Variants in DOCK10 observed in about 807,000 individuals in gnomAD.
DOCK10 encodes dedicator of cytokinesis protein 10.
A neutral mutation model predicts 280.1 loss-of-function variants in DOCK10; 145 were observed. The ratio of observed to expected loss-of-function variants is 0.52; its 90% CI spans 0.45 to 0.59. The LOEUF (loss-of-function observed/expected upper bound fraction) is 0.59, where lower values mean the gene tolerates loss of function less well. Among genes scored for constraint, DOCK10 ranks in the 20% least tolerant of loss-of-function variants. The pLI is 0.00. For synonymous variants in DOCK10, 915 were observed against 942.2 expected (o/e 0.97, Z 0.53); for missense variants, 2,368 against 2,651.7 (o/e 0.89, Z 2.35).
intron 52 of DOCK10, among the ~76,000 whole-genome samples, chr2:224,774,431 G>A (rs1281504839): frequency 6.6e-6 from 1 of 152,256 alleles, no homozygotes; most frequent in Non-Finnish European, 1.5e-5. Flanking sequence ...TTGAGGAAAT[G>A]AAAGGATGAC....
chr2:225,004,255 T>G (rs1017287893), intron 1 of DOCK10, among the ~76,000 whole-genome samples: 3 of 152,184 alleles, frequency 2.0e-5, no homozygotes, highest in Non-Finnish European at 4.4e-5. Flanking sequence ...TCTTATGAGA[T>G]AGCAGAGGAA....
intron 19 of DOCK10, among the ~76,000 whole-genome samples, chr2:224,848,666 A>AGCTT (rs1696524708): frequency 1.3e-5 from 2 of 152,230 alleles, no homozygotes; most frequent in East Asian, 1.9e-4. Context: ...CATGGAATTT[A>AGCTT]GCTTGAGGCT....
chr2:225,012,754 TTAAAC>T (rs1380600138), intron 1 of DOCK10, among the ~76,000 whole-genome samples: 3 of 152,240 alleles, frequency 2.0e-5, no homozygotes, highest in African/African-American at 7.2e-5. Flanking sequence ...TACTTGCTGT[TTAAAC>T]AAACTAATCT....
chr2:224,792,882 A>G (rs1251038253), intron 47 of DOCK10, 92 bp downstream of exon 47: 28 of 984,258 alleles, frequency 2.8e-5, no homozygotes, highest in East Asian at 5.1e-5. Flanking sequence ...TTTGCTTCTA[A>G]GAATATATTT....
intron 1 of DOCK10, among the ~76,000 whole-genome samples, chr2:225,027,231 C>T (rs149881978): frequency 8.9e-4 from 136 of 152,276 alleles, no homozygotes; most frequent in African/African-American, 3.2e-3. Flanking sequence ...AGACCAGGCC[C>T]CACTAGTCAC....
chr2:224,820,783 G>C (rs1393364145), intron 28 of DOCK10, among the ~76,000 whole-genome samples: 2 of 152,198 alleles, frequency 1.3e-5, no homozygotes, highest in African/African-American at 4.8e-5. Flanking sequence ...CTGATATTTA[G>C]AGAGAAATAC....
At chr2:224,892,162 C>T (rs1034380149) in intron 4 of DOCK10, among the ~76,000 whole-genome samples, 6 of 151,696 alleles carry the variant, frequency 4.0e-5, no homozygotes, top group Non-Finnish European at 4.4e-5. Flanking sequence ...TTTGGGAGGC[C>T]GAGGCTGGTG....
At chr2:225,000,924 C>T (rs940553269) in intron 1 of DOCK10, among the ~76,000 whole-genome samples, 11 of 152,096 alleles carry the variant, frequency 7.2e-5, no homozygotes, top group Admixed American at 3.3e-4. Context: ...TGCAGTGAGC[C>T]GAGATCGTGC....
chr2:224,982,266 C>T (rs1018511458), intron 1 of DOCK10: 14 of 1,231,862 alleles, frequency 1.1e-5, no homozygotes, highest in Admixed American at 8.4e-5. Flanking sequence ...GGCAAAATTT[C>T]GTGGGATGGT....
intron 3 of DOCK10, among the ~76,000 whole-genome samples, chr2:224,904,916 A>G (rs1178916037): frequency 6.6e-6 from 1 of 152,304 alleles, no homozygotes; most frequent in South Asian, 2.1e-4. Context: ...TTCTAGTTAG[A>G]TATATTTCTT....
intron 40 of DOCK10, among the ~76,000 whole-genome samples, chr2:224,801,039 T>C (rs577458327): frequency 3.3e-5 from 5 of 152,054 alleles, no homozygotes; most frequent in Non-Finnish European, 7.4e-5. Flanking sequence ...AGAAAGGAAA[T>C]GTCTGGGTTA....
chr2:224,972,956 AG>A (rs1173751270), intron 1 of DOCK10, among the ~76,000 whole-genome samples: 5 of 152,260 alleles, frequency 3.3e-5, no homozygotes, highest in Non-Finnish European at 5.9e-5. Flanking sequence ...CTATTCAATA[AG>A]TATTTCAGTG....
chr2:224,930,414 C>T (rs991721294), intron 2 of DOCK10, among the ~76,000 whole-genome samples: 5 of 152,114 alleles, frequency 3.3e-5, no homozygotes, highest in Non-Finnish European at 7.3e-5. Context: ...TGTGCCAGCA[C>T]TCAAGTGGAA....
intron 1 of DOCK10, among the ~76,000 whole-genome samples, chr2:225,013,739 A>G: frequency 6.6e-6 from 1 of 152,288 alleles, no homozygotes; most frequent in East Asian, 1.9e-4. Context: ...GCTTACTGCC[A>G]GTTTTTGAAA....
At chr2:224,888,573 A>C (rs1699458669) in intron 4 of DOCK10, among the ~76,000 whole-genome samples, 1 of 151,774 alleles carries the variant, frequency 6.6e-6, no homozygotes, top group Non-Finnish European at 1.5e-5. Flanking sequence ...CTGTGTGTGT[A>C]TGTATATACG....
At chr2:225,037,355 A>G (rs1337199433) in intron 1 of DOCK10, among the ~76,000 whole-genome samples, 1 of 152,168 alleles carries the variant, frequency 6.6e-6, no homozygotes, top group Non-Finnish European at 1.5e-5. Flanking sequence ...ACTGGAGTGA[A>G]TTCTCACAGG....
At chr2:224,882,297 T>C (rs908479389) in intron 7 of DOCK10, among the ~76,000 whole-genome samples, 2 of 152,164 alleles carry the variant, frequency 1.3e-5, no homozygotes, top group African/African-American at 2.4e-5. Flanking sequence ...AAGAAAAAAC[T>C]TGAAGCAGCA....
At chr2:225,022,427 A>G (rs628042) in intron 1 of DOCK10, among the ~76,000 whole-genome samples, 67,775 of 151,548 alleles carry the variant, frequency 0.45, 16,205 homozygotes, top group South Asian at 0.61. Flanking sequence ...AATCAATACA[A>G]TCGGGCTCCA....
At chr2:224,918,405 G>A (rs962184185) in intron 2 of DOCK10, among the ~76,000 whole-genome samples, 2 of 150,460 alleles carry the variant, frequency 1.3e-5, no homozygotes, top group African/African-American at 4.9e-5. Context: ...GTGTGTGCAT[G>A]AGAGTGTGTT....
Sources: gnomAD v4.1 joint callset for allele counts (sites outside exome capture counted in the v4.1 genomes callset) on GRCh38, gnomAD v4.1.1 for gene constraint, MANE v1.5 for transcripts, NCBI Gene and HGNC (gene_info 2026-07-23, HGNC 2026-07-21) for gene names.